Variants in PCDHA5 observed in about 807,000 individuals in gnomAD.
The protein encoded by PCDHA5 is protocadherin alpha 5.
PCDHA5 carries 43 observed loss-of-function variants against 61.6 expected under a neutral mutation model. That is an observed-to-expected ratio of 0.70 (90% CI 0.55 to 0.90). PCDHA5 has a LOEUF of 0.90. PCDHA5 is among the 40% of genes least tolerant of loss of function. The pLI is 0.00. For synonymous variants in PCDHA5, 627 were observed against 543.9 expected (o/e 1.15, Z -2.13); for missense variants, 1,298 against 1,222.7 (o/e 1.06, Z -0.92).
In PCDHA5 at chr5:140,871,306, A is replaced by T. The variant is rs782244596; in HGVS notation, c.2352+47179A>T. The T allele has an allele frequency of 3.7e-6, 6 of 1,613,964 alleles. No homozygotes were observed. In the East Asian group the frequency reaches 1.3e-4, roughly 36 times the overall value. ...CACTGAGGGCGCGTGCGCGCCGGGG[A>T]AGCCCACGCTGGTGTGCTCCCGCGC... On this transcript the variant is annotated intron_variant, in intron 1 of 3. Transcript: ENST00000529859.
chr5:140,924,907 A>AAT (rs1554202344), intron 1 of PCDHA5, among the ~76,000 whole-genome samples: 14 of 50,940 alleles, frequency 2.7e-4, no homozygotes, highest in African/African-American at 6.9e-4. Context: ...AAAAAAAAAT[A>AAT]AAATAAAATA....
chr5:140,953,075 A>G (rs1208986278), intron 1 of PCDHA5, among the ~76,000 whole-genome samples: 4 of 152,190 alleles, frequency 2.6e-5, no homozygotes, highest in Admixed American at 2.6e-4. Context: ...CATCTCCAAC[A>G]TTGGGGATTA....
intron 1 of PCDHA5, chr5:140,848,033 C>T (rs1781291079): frequency 6.3e-6 from 1 of 158,434 alleles, no homozygotes; most frequent in Non-Finnish European, 1.4e-5. Flanking sequence ...CGTGATTGCT[C>T]AATGGAATCA....
rs782014250 is a variant in PCDHA5, at chr5:140,883,952, G to T, written c.2352+59825G>T. On this transcript the variant is annotated intron_variant, in intron 1 of 3. Transcript: ENST00000529859. The stretch of plus-strand genomic sequence containing the variant: ...GTTCGTGCTGGACGAGAACGACAAC[G>T]CTCCGGCGCTGCTGACGCCCGGGGC... 2.0e-5 allele frequency: 32 copies of T among 1,613,030 alleles called. No individual in the cohort carries two copies. The highest frequency in any genetic ancestry group is 2.6e-5 in the Non-Finnish European group (31 of 1,179,806).
intron 1 of PCDHA5, chr5:140,870,842 T>G (rs781830221): frequency 6.2e-7 from 1 of 1,613,798 alleles, no homozygotes; most frequent in Non-Finnish European, 8.5e-7. Flanking sequence ...AACAAGCTAG[T>G]ACCGCGGTCG....
Position 140,823,999 on chromosome 5 carries a change from A to G in PCDHA5, c.2224A>G (p.Ser742Gly). The change falls in exon 1 of 4, where the codon AGC becomes GGC. Residue 742 changes from serine (S) to glycine (G), a missense_variant. Ser to Gly is a moderately conservative substitution (Grantham distance 56). Transcript: ENST00000529859. ...TRGKPTLLCS[S>G]AVGSWSYSQQ... ...GGGCAAGCCCACTCTGTTGTGCTCC[A>G]GCGCGGTGGGGAGCTGGTCGTACTC... The G allele has an allele frequency of 6.2e-7, 1 of 1,614,146 alleles. No homozygotes were observed. Among genetic ancestry groups the G allele is most frequent in the Non-Finnish European group, 8.5e-7 (1 of 1,180,006 alleles).
chr5:140,979,197 T>C (rs954222917), intron 2 of PCDHA5, among the ~76,000 whole-genome samples, 190 bp downstream of exon 2: 2 of 152,214 alleles, frequency 1.3e-5, no homozygotes, highest in Non-Finnish European at 2.9e-5. Flanking sequence ...CAGATGCTTA[T>C]CAAGTGCTGG....
intron 1 of PCDHA5, chr5:140,824,610 G>GTTTTTTTCTT (rs1768198907): frequency 1.1e-5 from 1 of 95,104 alleles, no homozygotes; most frequent in African/African-American, 4.9e-5. Context: ...GCTAATTAAA[G>GTTTTTTTCTT]TTTTTTTTTT....
chr5:140,823,734 T>G lies in PCDHA5; in HGVS notation c.1959T>G (p.His653Gln), dbSNP rs2150128605. The change falls in exon 1 of 4, where the codon CAT becomes CAG. Residue 653 changes from histidine (H) to glutamine (Q), a missense_variant. Coordinates refer to ENST00000529859, the MANE Select transcript of PCDHA5 (RefSeq NM_018908.3). ...RHRLLVLVKD[H>Q]GEPPLTATAT... ...GCCTTCTGGTGCTGGTGAAGGACCA[T>G]GGAGAGCCCCCGCTGACAGCCACAG... The G allele has an allele frequency of 1.2e-6, 2 of 1,613,778 alleles. No individual in the cohort carries two copies.
intron 1 of PCDHA5, chr5:140,829,594 G>T (rs141465004): frequency 2.2e-5 from 35 of 1,611,982 alleles, no homozygotes; most frequent in Non-Finnish European, 3.0e-5. Context: ...GGGTGGGCGA[G>T]CGCGCGTTGT....
In PCDHA5 at chr5:140,830,374, G is replaced by A. The variant is rs150255684; in HGVS notation, c.2352+6247G>A. 1.2e-3 allele frequency: 1,975 copies of A among 1,614,156 alleles called. 3 individuals are homozygous for A. The highest frequency in any genetic ancestry group is 1.6e-3 in the Non-Finnish European group (1,872 of 1,180,020). On this transcript the variant is annotated intron_variant, in intron 1 of 3. Transcript: ENST00000529859. ...AGAGGCGGCAGAGGGTGTGCTCCGG[G>A]GAGGGCCCACCCAAGATGGATCTCA...
chr5:140,857,868 C>T (rs782242383), intron 1 of PCDHA5: 2 of 1,597,584 alleles, frequency 1.3e-6, no homozygotes, highest in South Asian at 1.1e-5. Flanking sequence ...GCGTGGCTGT[C>T]GTATGAATTG....
chr5:140,941,281 C>A (rs12652617), intron 1 of PCDHA5, among the ~76,000 whole-genome samples: 1 of 69,002 alleles, frequency 1.4e-5, no homozygotes, highest in Non-Finnish European at 3.2e-5. Context: ...TTCCTTCCTT[C>A]CTTTCTCTTT....
chr5:140,829,840 G>T, intron 1 of PCDHA5: 1 of 1,613,938 alleles, frequency 6.2e-7, no homozygotes, highest in Admixed American at 1.7e-5. Flanking sequence ...TGGTGCCGCG[G>T]TCACTGGGTG....
chr5:140,914,982 T>C (rs1411265179), intron 1 of PCDHA5, among the ~76,000 whole-genome samples: 1 of 149,996 alleles, frequency 6.7e-6, no homozygotes, highest in Non-Finnish European at 1.5e-5. Context: ...AGTCTTGCTC[T>C]GCTACCAGGC....
intron 1 of PCDHA5, among the ~76,000 whole-genome samples, chr5:140,960,928 AAGTTT>A (rs2095579865): frequency 6.6e-6 from 1 of 152,184 alleles, no homozygotes; most frequent in South Asian, 2.1e-4. Context: ...AATTGGTACT[AAGTTT>A]AGTGAATTAG....
At chr5:140,858,580 A>C in intron 1 of PCDHA5, 1 of 1,352,736 alleles carries the variant, frequency 7.4e-7, no homozygotes, top group Non-Finnish European at 1.0e-6. Flanking sequence ...CCTTTGTAAT[A>C]TAATTTATTC....
At chr5:140,927,526 G>T in intron 1 of PCDHA5, 3 of 1,614,086 alleles carry the variant, frequency 1.9e-6, no homozygotes, top group Non-Finnish European at 2.5e-6. Flanking sequence ...CGGGCTACCT[G>T]CCCGCTCAGG....
chr5:140,853,510 A>C (rs2042773943), intron 1 of PCDHA5: 2 of 977,306 alleles, frequency 2.0e-6, no homozygotes, highest in African/African-American at 1.8e-5. Context: ...TGAAACAATA[A>C]TGAAGCTCCT....
Sources: allele counts gnomAD v4.1 joint callset (sites outside exome capture counted in the v4.1 genomes callset), GRCh38; gene constraint gnomAD v4.1.1; transcripts MANE v1.5; gene names NCBI Gene and HGNC (gene_info 2026-07-23, HGNC 2026-07-21).